The following CTNNA2 variants were observed in gnomAD, a reference collection of about 807,000 sequenced individuals.
The protein encoded by CTNNA2 is catenin alpha-2.
Under a neutral mutation model 101.0 loss-of-function variants are expected in CTNNA2, and 42 were observed. The observed-to-expected ratio is 0.42, with a 90% CI of 0.32 to 0.54. CTNNA2 has a LOEUF of 0.54. Among genes scored for constraint, CTNNA2 ranks in the 20% least tolerant of loss-of-function variants. The probability of loss-of-function intolerance (pLI) is 0.14; values close to 1 mark genes in which losing one functional copy is unlikely to be tolerated. For missense variants in CTNNA2, 871 were observed against 1,223.1 expected (o/e 0.71, Z 4.29); for synonymous variants, 450 against 456.4 (o/e 0.99, Z 0.18).
At chr2:80,513,070 T>G (rs1688837496) in intron 9 of CTNNA2, among the ~76,000 whole-genome samples, 1 of 152,236 alleles carries the variant, frequency 6.6e-6, no homozygotes, top group South Asian at 2.1e-4. Flanking sequence ...TACCCACAAG[T>G]GCTCCTCTCT....
intron 2 of CTNNA2, among the ~76,000 whole-genome samples, chr2:79,285,751 C>T: frequency 7.0e-6 from 1 of 143,372 alleles, no homozygotes; most frequent in African/African-American, 2.7e-5. Flanking sequence ...GTGGAGAGTT[C>T]TGTAGATGTC....
intron 3 of CTNNA2, among the ~76,000 whole-genome samples, chr2:79,766,246 C>T (rs1673147747): frequency 3.3e-5 from 5 of 152,122 alleles, no homozygotes; most frequent in African/African-American, 1.2e-4. Context: ...TTTTGTCTGT[C>T]TGGAAAATTC....
intron 3 of CTNNA2, among the ~76,000 whole-genome samples, chr2:79,332,249 G>A (rs1676889980): frequency 6.6e-6 from 1 of 150,960 alleles, no homozygotes; most frequent in African/African-American, 2.4e-5. Flanking sequence ...CAGAAACTAG[G>A]AAGAGTATAT....
rs1698303856 is a variant in CTNNA2, at chr2:80,609,710, G to A, written c.2430+1392G>A. ...CTGTATATAGCCCCTGTGGAACTGA[G>A]TGCTTTTTGTTCAGCTTGCCTTGTG... On this transcript the variant is annotated intron_variant, in intron 17 of 18. Transcript: ENST00000402739. Among the ~76,000 whole-genome samples, 3 of 151,866 alleles carry A rather than the reference G, an allele frequency of 2.0e-5. No individual in the cohort carries two copies. In the South Asian group the frequency reaches 6.2e-4, roughly 32 times the overall value.
At chr2:79,292,302 T>A (rs905408164) in intron 2 of CTNNA2, among the ~76,000 whole-genome samples, 1 of 152,182 alleles carries the variant, frequency 6.6e-6, no homozygotes, top group African/African-American at 2.4e-5. Flanking sequence ...AACTGAATGC[T>A]ATTTATTGGA....
intron 3 of CTNNA2, among the ~76,000 whole-genome samples, chr2:79,812,932 A>G (rs1184729301): frequency 2.0e-5 from 3 of 152,292 alleles, no homozygotes; most frequent in East Asian, 3.9e-4. Context: ...AAAGAGGGAC[A>G]GTAACACTCC....
At chr2:79,308,815 A>T (rs1353164199) in intron 2 of CTNNA2, among the ~76,000 whole-genome samples, 2 of 148,524 alleles carry the variant, frequency 1.3e-5, no homozygotes, top group Non-Finnish European at 3.0e-5. Context: ...GGTTTTGTTC[A>T]AGAAATTATT....
intron 9 of CTNNA2, among the ~76,000 whole-genome samples, chr2:80,517,889 T>C (rs1467341339): frequency 1.3e-5 from 2 of 152,226 alleles, no homozygotes; most frequent in Non-Finnish European, 2.9e-5. Context: ...GATCAGAGTG[T>C]ATTGAAAACA....
At chr2:79,824,381 G>C (rs781076697) in intron 3 of CTNNA2, among the ~76,000 whole-genome samples, 1 of 152,040 alleles carries the variant, frequency 6.6e-6, no homozygotes, top group South Asian at 2.1e-4. Context: ...GAATGTATCC[G>C]TGGGCTGTGT....
rs150598032 is a variant in CTNNA2, at chr2:80,469,024, T to C, written c.1290+49423T>C. On this transcript the variant is annotated intron_variant, in intron 9 of 18. Coordinates refer to ENST00000402739, the MANE Select transcript of CTNNA2 (RefSeq NM_001282597.3). ...CAGGTGTCAGGAGGCAGGACGGAGG[T>C]GTTGAAGGTGCTGAAGGTGCAGGTG... Among the ~76,000 whole-genome samples, 1,128 of 151,780 alleles carry C rather than the reference T, an allele frequency of 7.4e-3. 14 individuals carry two copies. Among genetic ancestry groups the C allele is most frequent in the African/African-American group, 0.025 (1,032 of 41,380 alleles).
At chr2:79,536,686 T>TTTTTTTTTTC (rs71385281) in intron 1 of CTNNA2, among the ~76,000 whole-genome samples, 1 of 139,924 alleles carries the variant, frequency 7.1e-6, no homozygotes, top group Non-Finnish European at 1.5e-5. Context: ...ATGGATTTTT[T>TTTTTTTTTTC]TTTTCTTTTC....
intron 9 of CTNNA2, among the ~76,000 whole-genome samples, chr2:80,541,056 T>C (rs1691511582): frequency 6.6e-6 from 1 of 152,166 alleles, no homozygotes; most frequent in African/African-American, 2.4e-5. Context: ...GATGAAATTC[T>C]AGAAATCAAA....
intron 1 of CTNNA2, among the ~76,000 whole-genome samples, chr2:79,515,405 T>G (rs1165535250): frequency 6.6e-6 from 1 of 152,252 alleles, no homozygotes; most frequent in Non-Finnish European, 1.5e-5. Flanking sequence ...TGCTGTTCTT[T>G]GTGGGGCTTC....
chr2:79,317,391 A>G lies in CTNNA2; in HGVS notation c.-318+4595A>G, dbSNP rs76243550. On this transcript the variant is annotated intron_variant, in intron 3 of 21. Transcript: ENST00000466387. ...TATTTTCTTGTAATATCTTTGTCTG[A>G]ATTTAGTATCAGGGTAACACTGGCC... Among the ~76,000 whole-genome samples, 722 of 152,062 alleles carry G rather than the reference A, an allele frequency of 4.7e-3. 12 individuals are homozygous for G. In the East Asian group the frequency reaches 0.062, roughly 13 times the overall value.
chr2:79,557,186 TA>T (rs1314285920), intron 1 of CTNNA2, among the ~76,000 whole-genome samples: 1 of 152,066 alleles, frequency 6.6e-6, no homozygotes, highest in Non-Finnish European at 1.5e-5. Flanking sequence ...CCTCAATACA[TA>T]AAATTAAATT....
intron 15 of CTNNA2, among the ~76,000 whole-genome samples, chr2:80,602,508 T>C (rs571341901): frequency 1.3e-5 from 2 of 152,186 alleles, no homozygotes; most frequent in South Asian, 4.1e-4. Context: ...ACAACAAATA[T>C]TGTGTCAGAG....
chr2:80,596,748 A>C (rs1245678097), intron 15 of CTNNA2, among the ~76,000 whole-genome samples: 3 of 151,892 alleles, frequency 2.0e-5, no homozygotes, highest in African/African-American at 7.3e-5. Flanking sequence ...TACTATGTTG[A>C]ATAGGAGTGA....
chr2:80,050,571 G>A (rs1437555223), intron 7 of CTNNA2, among the ~76,000 whole-genome samples: 3 of 152,180 alleles, frequency 2.0e-5, no homozygotes, highest in Non-Finnish European at 2.9e-5. Flanking sequence ...AGTACAGATT[G>A]GCCAGCAACC....
intron 9 of CTNNA2, among the ~76,000 whole-genome samples, chr2:80,476,021 G>A (rs180885422): frequency 1.3e-5 from 2 of 152,152 alleles, no homozygotes; most frequent in African/African-American, 2.4e-5. Context: ...GGTTCACCCA[G>A]TCACCAGATC....
Sources: allele counts gnomAD v4.1 joint callset (sites outside exome capture counted in the v4.1 genomes callset), GRCh38; gene constraint gnomAD v4.1.1; transcripts MANE v1.5; gene names NCBI Gene and HGNC (gene_info 2026-07-23, HGNC 2026-07-21).